The following ZC3H14 variants were observed in gnomAD, a reference collection of about 807,000 sequenced individuals.
ZC3H14 encodes zinc finger CCCH domain-containing protein 14.
Under a neutral mutation model 92.4 loss-of-function variants are expected in ZC3H14, and 31 were observed. That is an observed-to-expected ratio of 0.34 (90% CI 0.25 to 0.45). ZC3H14 has a LOEUF of 0.45. Among genes scored for constraint, ZC3H14 ranks in the 20% least tolerant of loss-of-function variants. ZC3H14 has a pLI of 1.00. For synonymous variants in ZC3H14, 321 were observed against 300.9 expected (o/e 1.07, Z -0.69); for missense variants, 781 against 897.3 (o/e 0.87, Z 1.66).
At chr14:88,576,504 G>A (rs1211037831) in intron 8 of ZC3H14, among the ~76,000 whole-genome samples, 2 of 152,234 alleles carry the variant, frequency 1.3e-5, no homozygotes. Context: ...TTCAAAACAG[G>A]AGATGAATCA....
chr14:88,563,819 C>T lies in ZC3H14; in HGVS notation c.79+126C>T, dbSNP rs2079204806. 4.5e-6 allele frequency: 4 copies of T among 898,850 alleles called. No individual in the cohort carries two copies. The South Asian group carries it at 5.6e-5, about 13-fold the overall frequency. 55.7% of individuals were successfully genotyped at this position (898,850 alleles called of 1,614,324 possible). On this transcript the variant is annotated intron_variant, in intron 2 of 16. Transcript: ENST00000251038. ...AGACTCCCTTCTACCTTCTTCAAAT[C>T]TTATACTCCCTGGTTACTTCTTTAT...
rs200952678 is a variant in ZC3H14 at position 88,563,625 on chromosome 14, A to G, written c.37-26A>G. 5.3e-5 allele frequency: 85 copies of G among 1,613,774 alleles called. No individual in the cohort carries two copies. The African/African-American group carries it at 9.6e-4, about 18-fold the overall frequency. The stretch of plus-strand genomic sequence containing the variant: ...GTTTTCCTAGAGCCGCCTTTCTCAC[A>G]TGCACGTTTGCTCTTTTTCTCTCAG... On this transcript the variant is annotated intron_variant, in intron 1 of 16. Coordinates refer to ENST00000251038, the MANE Select transcript of ZC3H14 (RefSeq NM_024824.5).
At chr14:88,583,101 T>G (rs1481217528) in intron 9 of ZC3H14, among the ~76,000 whole-genome samples, 7 of 151,468 alleles carry the variant, frequency 4.6e-5, no homozygotes, top group African/African-American at 1.7e-4. Context: ...TTTTGGTGTT[T>G]TTGTTTTCTA....
chr14:88,607,699 TC>T (rs2085717775), intron 13 of ZC3H14, among the ~76,000 whole-genome samples: 1 of 30,310 alleles, frequency 3.3e-5, no homozygotes, highest in Admixed American at 3.8e-4. Context: ...TACCACCCCC[TC>T]ATCTCACCCT....
chr14:88,563,607 T>C (rs1159447437), intron 1 of ZC3H14, 44 bp from the exon 2 acceptor site: 1 of 1,610,730 alleles, frequency 6.2e-7, no homozygotes. Flanking sequence ...CTTGTTTTCC[T>C]AGAGCCGCCT....
chr14:88,626,932 G>T lies in ZC3H14; in HGVS notation c.*15181G>T. The T allele has an allele frequency of 5.6e-6, 9 of 1,613,930 alleles. No individual in the cohort carries two copies. Among genetic ancestry groups the T allele is most frequent in the Non-Finnish European group, 7.6e-6 (9 of 1,179,862 alleles). On this transcript the variant is annotated 3_prime_UTR_variant, in exon 17 of 17. Coordinates refer to ENST00000251038, the MANE Select transcript of ZC3H14 (RefSeq NM_024824.5). Reference sequence around the variant, plus strand: ...GCTAAGAAGAGCTCTTCCTGCCAGGGTCCAGAACTTCACATGTTTTACTCC... The same window carrying T: ...GCTAAGAAGAGCTCTTCCTGCCAGGTTCCAGAACTTCACATGTTTTACTCC...
chr14:88,625,269 C>T lies in ZC3H14; in HGVS notation c.*13518C>T. 1.0e-6 allele frequency: 1 copy of T among 967,580 alleles called. No individual in the cohort carries two copies. Among genetic ancestry groups the T allele is most frequent in the Non-Finnish European group, 1.5e-6 (1 of 679,436 alleles). The allele number at this position is 967,580 out of a possible 1,614,324, so 59.9% of individuals were successfully genotyped here. On this transcript the variant is annotated 3_prime_UTR_variant, in exon 17 of 17. Coordinates refer to ENST00000251038, the MANE Select transcript of ZC3H14 (RefSeq NM_024824.5). ...CGTGTAGTGGCAGCAGCACTGAATTCACGAGTCAGGAAACCTGAACGGGAG... is the reference window on the plus strand; with the variant it reads ...CGTGTAGTGGCAGCAGCACTGAATTTACGAGTCAGGAAACCTGAACGGGAG...
At chr14:88,594,339 G>T in intron 9 of ZC3H14, 2 of 972,102 alleles carry the variant, frequency 2.1e-6, no homozygotes, top group Non-Finnish European at 2.5e-6. Flanking sequence ...AAAATTCTTT[G>T]TGTGACACAT....
intron 9 of ZC3H14, among the ~76,000 whole-genome samples, chr14:88,588,679 C>T (rs990455171): frequency 2.0e-5 from 3 of 152,054 alleles, no homozygotes; most frequent in Non-Finnish European, 4.4e-5. Flanking sequence ...GTGGGAAATA[C>T]TCTTGCATTA....
At chr14:88,592,657 C>T (rs923284101) in intron 9 of ZC3H14, among the ~76,000 whole-genome samples, 1 of 152,010 alleles carries the variant, frequency 6.6e-6, no homozygotes, top group African/African-American at 2.4e-5. Flanking sequence ...TATGCCACCA[C>T]GCCTGGCTAA....
intron 9 of ZC3H14, among the ~76,000 whole-genome samples, chr14:88,595,389 C>G (rs1205810932): frequency 1.3e-5 from 2 of 152,152 alleles, no homozygotes; most frequent in Non-Finnish European, 2.9e-5. Flanking sequence ...GAAGTGTGGT[C>G]TTTCATGTGT....
At chr14:88,597,391 A>C (rs537484313) in intron 10 of ZC3H14, among the ~76,000 whole-genome samples, 1 of 152,314 alleles carries the variant, frequency 6.6e-6, no homozygotes, top group African/African-American at 2.4e-5. Context: ...CAATGTCTTA[A>C]AAATGACTGC....
chr14:88,616,121 T>G lies in ZC3H14; in HGVS notation c.*4370T>G. 1 of 1,610,408 alleles carries G rather than the reference T, an allele frequency of 6.2e-7. No individual in the cohort carries two copies. The highest frequency in any genetic ancestry group is 1.1e-5 in the South Asian group (1 of 90,990). ...AACTAGTAACATAGTCTGCTCTTCATGGGCTGAGAAAGTTACTAACCTGCA... is the reference window on the plus strand; with the variant it reads ...AACTAGTAACATAGTCTGCTCTTCAGGGGCTGAGAAAGTTACTAACCTGCA... On this transcript the variant is annotated 3_prime_UTR_variant, in exon 17 of 17. Transcript: ENST00000251038.
Position 88,611,983 on chromosome 14 carries a change from G to C in ZC3H14, c.*232G>C. 2 of 581,372 alleles carry C rather than the reference G, an allele frequency of 3.4e-6. No homozygotes were observed. Among genetic ancestry groups the C allele is most frequent in the East Asian group, 5.9e-5 (2 of 33,634 alleles). The allele number at this position is 581,372 out of a possible 1,614,324, so 36.0% of individuals were successfully genotyped here. On this transcript the variant is annotated 3_prime_UTR_variant, in exon 17 of 17. Transcript: ENST00000251038. ...TTTTTACTATGAAAAGACAGCTTAAGGAAGAGCTAAATTCTGTTAAAATAT... is the reference window on the plus strand; with the variant it reads ...TTTTTACTATGAAAAGACAGCTTAACGAAGAGCTAAATTCTGTTAAAATAT...
At chr14:88,571,956 C>G (rs1045711935) in intron 4 of ZC3H14, 74 bp from the exon 5 acceptor site, 102 of 1,229,756 alleles carry the variant, frequency 8.3e-5, no homozygotes, top group Non-Finnish European at 9.9e-5. Flanking sequence ...GAGCGAGACT[C>G]CATCTCAAAA....
At position 88,607,243 on chromosome 14, in the gene ZC3H14, C is replaced by T. The variant is rs765315063; in HGVS notation, c.1748C>T (p.Ala583Val). Residue 583 changes from alanine (A) to valine (V), a missense_variant and splice_region_variant, in exon 13 of 17, where the codon GCT becomes GTT. Physicochemically the swap from Ala to Val is moderately conservative, Grantham distance 64. Transcript: ENST00000251038. Reference sequence around the variant, plus strand: ...ACTTTTATTTCCTTTCCCTTTGTAGCTGAGATGAGTGAACTGAGTGTGGCA... The same window carrying T: ...ACTTTTATTTCCTTTCCCTTTGTAGTTGAGATGAGTGAACTGAGTGTGGCA... The part of the protein sequence containing the change: ...LEDPNGSFSN[A>V]EMSELSVAQK... 5 of 1,613,940 alleles carry T rather than the reference C, an allele frequency of 3.1e-6. No homozygotes were observed. In the African/African-American group the frequency reaches 6.7e-5, roughly 22 times the overall value.
chr14:88,563,178 C>A lies in ZC3H14; in HGVS notation c.36+9C>A. 6.2e-7 allele frequency: 1 copy of A among 1,603,554 alleles called. No homozygotes were observed. Among genetic ancestry groups the A allele is most frequent in the Non-Finnish European group, 8.5e-7 (1 of 1,176,722 alleles). On this transcript the variant is annotated intron_variant, in intron 1 of 16. Transcript: ENST00000251038. ...TCAGCCGCAAGATCCGGGTGAGGCCCGTGCCGGTCGGGGGTGGGAAGCCAG... is the reference window on the plus strand; with the variant it reads ...TCAGCCGCAAGATCCGGGTGAGGCCAGTGCCGGTCGGGGGTGGGAAGCCAG...
chr14:88,609,930 A>C, intron 15 of ZC3H14, 127 bp downstream of exon 15: 1 of 1,020,924 alleles, frequency 9.8e-7, no homozygotes, highest in Non-Finnish European at 1.5e-6. Context: ...AAAACTATTA[A>C]GTTGTTCCTC....
chr14:88,593,188 G>A (rs771324037), intron 9 of ZC3H14, among the ~76,000 whole-genome samples: 2 of 151,928 alleles, frequency 1.3e-5, no homozygotes, highest in East Asian at 1.9e-4. Context: ...GGCTGGTCTC[G>A]AACTCCTGAC....
Sources: gnomAD v4.1 joint callset for allele counts (sites outside exome capture counted in the v4.1 genomes callset) on GRCh38, gnomAD v4.1.1 for gene constraint, MANE v1.5 for transcripts, NCBI Gene and HGNC (gene_info 2026-07-23, HGNC 2026-07-21) for gene names.